LRRC36: variants seen among roughly 807,000 people sequenced by gnomAD.
The protein encoded by LRRC36 is leucine-rich repeat-containing protein 36.
Under a neutral mutation model 81.1 loss-of-function variants are expected in LRRC36, and 62 were observed. That is an observed-to-expected ratio of 0.76 (90% CI 0.62 to 0.94). The LOEUF (loss-of-function observed/expected upper bound fraction) is 0.94, where lower values mean the gene tolerates loss of function less well. LRRC36 is among the 40% of genes least tolerant of loss of function. The pLI, the probability that LRRC36 is intolerant of heterozygous loss-of-function variation, is 0.00. For missense variants in LRRC36, 761 were observed against 881.7 expected (o/e 0.86, Z 1.73); for synonymous variants, 334 against 348.6 (o/e 0.96, Z 0.47).
intron 7 of LRRC36, among the ~76,000 whole-genome samples, chr16:67,366,431 A>G (rs1248102686): frequency 6.6e-6 from 1 of 152,138 alleles, no homozygotes. Flanking sequence ...CATGGCCAAC[A>G]TGGTGAAACT....
At chr16:67,347,436 T>C in intron 3 of LRRC36, 59 bp from the exon 4 acceptor site, 1 of 1,604,484 alleles carries the variant, frequency 6.2e-7, no homozygotes, top group Non-Finnish European at 8.5e-7. Context: ...TCTGATTAAC[T>C]ACTAGTTATG....
chr16:67,332,043 A>G (rs1228979383), intron 1 of LRRC36, among the ~76,000 whole-genome samples: 4 of 152,150 alleles, frequency 2.6e-5, no homozygotes, highest in African/African-American at 9.7e-5. Context: ...CATTGTCATT[A>G]TAAATAAGCT....
intron 13 of LRRC36, among the ~76,000 whole-genome samples, chr16:67,384,411 G>C (rs1004038614): frequency 5.9e-5 from 9 of 152,084 alleles, no homozygotes; most frequent in African/African-American, 1.9e-4. Flanking sequence ...TCTAGCCTGG[G>C]CAACAAAAGT....
intron 4 of LRRC36, chr16:67,348,500 C>T (rs897489106): frequency 1.3e-5 from 2 of 151,954 alleles, no homozygotes; most frequent in South Asian, 2.1e-4. Flanking sequence ...TGCTCTGTCA[C>T]CCAGGCTGGA....
chr16:67,337,838 C>A (rs923175273), intron 1 of LRRC36, among the ~76,000 whole-genome samples: 12 of 152,052 alleles, frequency 7.9e-5, no homozygotes, highest in Non-Finnish European at 1.5e-4. Flanking sequence ...TGGTTCCCAG[C>A]ACTTTGGAAC....
chr16:67,334,255 G>A (rs1036334597), intron 1 of LRRC36, among the ~76,000 whole-genome samples: 5 of 151,746 alleles, frequency 3.3e-5, no homozygotes, highest in African/African-American at 9.7e-5. Flanking sequence ...TCCTGACCTC[G>A]TGATCCGCCC....
At chr16:67,342,423 T>G (rs530087236) in intron 2 of LRRC36, among the ~76,000 whole-genome samples, 2 of 152,256 alleles carry the variant, frequency 1.3e-5, no homozygotes, top group African/African-American at 4.8e-5. Flanking sequence ...TGGTCTGATT[T>G]AGTAGGTCTA....
chr16:67,344,482 C>T (rs773669151), intron 2 of LRRC36, among the ~76,000 whole-genome samples: 1 of 152,148 alleles, frequency 6.6e-6, no homozygotes, highest in Non-Finnish European at 1.5e-5. Flanking sequence ...ATAATCCCAG[C>T]TATTTGGGAG....
At chr16:67,332,916 T>A (rs941845757) in intron 1 of LRRC36, among the ~76,000 whole-genome samples, 1 of 151,542 alleles carries the variant, frequency 6.6e-6, no homozygotes, top group Non-Finnish European at 1.5e-5. Flanking sequence ...AAAAAAAACA[T>A]GGTCTTATTC....
At chr16:67,333,065 CT>C (rs2037576018) in intron 1 of LRRC36, among the ~76,000 whole-genome samples, 1 of 151,604 alleles carries the variant, frequency 6.6e-6, no homozygotes, top group African/African-American at 2.4e-5. Context: ...CTAATTTTTT[CT>C]TTTTTTGTAG....
chr16:67,341,963 T>G lies in LRRC36; in HGVS notation c.77T>G (p.Val26Gly), dbSNP rs1318140834. The change falls in exon 2 of 14, where the codon GTG (valine) becomes GGG (glycine). Residue 26 changes from valine to glycine, a missense_variant. Val to Gly is a moderately radical substitution (Grantham distance 109). This residue lies in a region of LRRC36 where 263 missense variants were observed against 279.3 expected (regional missense o/e 0.94). Coordinates refer to ENST00000329956, the MANE Select transcript of LRRC36 (RefSeq NM_018296.6). The part of the protein sequence containing the change: ...GALTLEQPEL[V>G]ESLSLQGSYA... The stretch of plus-strand genomic sequence containing the variant: ...ACTGATGATCTCTTTTCAGAACTGG[T>G]GGAGTCTCTTTCATTGCAGGGATCT... 1.2e-6 allele frequency: 2 copies of G among 1,609,310 alleles called. No individual in the cohort carries two copies. The highest frequency in any genetic ancestry group is 3.4e-5 in the Admixed American group (2 of 59,624).
chr16:67,350,232 A>G lies in LRRC36; in HGVS notation c.519A>G (p.Val173=). 1 of 1,613,094 alleles carries G rather than the reference A, an allele frequency of 6.2e-7. No homozygotes were observed. The highest frequency in any genetic ancestry group is 8.5e-7 in the Non-Finnish European group (1 of 1,179,762). ...SSREKTMKNC[V]TGESSASKVS... ...GGGAGAAGACAATGAAAAACTGTGT[A>G]ACAGGTGAGAGCTCTGCATCAAAAG... Residue 173 remains valine (V), a synonymous_variant, in exon 5 of 14, where the codon GTA becomes GTG. Transcript: ENST00000329956.
rs529723150 is a variant in LRRC36 at position 67,350,813 on chromosome 16, C to T, written c.577+523C>T. On this transcript the variant is annotated intron_variant, in intron 5 of 13. Transcript: ENST00000329956. ...CAGCACTTTGGGAGGCCGAGGCAGA[C>T]AGATCACCTGAGGTTGCGAGTTTAA... 4.1e-4 allele frequency among the ~76,000 whole-genome samples: 62 copies of T among 152,280 alleles called. 1 individual carries two copies. The highest frequency in any genetic ancestry group is 8.1e-4 in the Non-Finnish European group (55 of 68,028).
intron 5 of LRRC36, among the ~76,000 whole-genome samples, chr16:67,363,154 G>A (rs78085099): frequency 0.013 from 2,025 of 152,274 alleles, 45 homozygotes; most frequent in African/African-American, 0.046. Context: ...AATCAGTGCT[G>A]ACTGCTGATT....
intron 5 of LRRC36, among the ~76,000 whole-genome samples, chr16:67,355,641 T>C (rs2038870211): frequency 1.3e-5 from 2 of 152,166 alleles, no homozygotes; most frequent in Admixed American, 6.5e-5. Flanking sequence ...CCCAAAGTGC[T>C]GGGATTACAG....
intron 9 of LRRC36, among the ~76,000 whole-genome samples, chr16:67,372,372 A>G (rs1427929345): frequency 2.0e-5 from 3 of 151,982 alleles, no homozygotes; most frequent in Non-Finnish European, 4.4e-5. Context: ...AAAAAAAAAT[A>G]AAATAAAATA....
intron 1 of LRRC36, among the ~76,000 whole-genome samples, chr16:67,333,155 T>C (rs1246874282): frequency 1.3e-5 from 2 of 152,096 alleles, no homozygotes; most frequent in Non-Finnish European, 2.9e-5. Flanking sequence ...TATTTTGAGA[T>C]AAGAATCTTG....
intron 5 of LRRC36, chr16:67,362,128 A>G (rs1234197043): frequency 2.5e-6 from 1 of 397,472 alleles, no homozygotes; most frequent in Non-Finnish European, 4.9e-6. Flanking sequence ...TCTCACACAA[A>G]ATAACATACA....
Position 67,350,199 on chromosome 16 carries a change from C to G in LRRC36, c.489-3C>G. ...GTTGTAAATAAATTATTCTATGTGG[C>G]AGCTCTAGGGAGAAGACAATGAAAA... On this transcript the variant is annotated splice_region_variant and splice_polypyrimidine_tract_variant and intron_variant, in intron 4 of 13. Transcript: ENST00000329956. 6.3e-7 allele frequency: 1 copy of G among 1,575,000 alleles called. No homozygotes were observed. Among genetic ancestry groups the G allele is most frequent in the Non-Finnish European group, 8.6e-7 (1 of 1,160,698 alleles).
Sources: allele counts gnomAD v4.1 joint callset (sites outside exome capture counted in the v4.1 genomes callset), GRCh38; gene constraint gnomAD v4.1.1; regional missense constraint gnomAD v4.1.1; transcripts MANE v1.5; gene names NCBI Gene and HGNC (gene_info 2026-07-23, HGNC 2026-07-21).